PLCH1: variants seen among roughly 807,000 people sequenced by gnomAD.
PLCH1 encodes 1-phosphatidylinositol 4,5-bisphosphate phosphodiesterase eta-1.
In PLCH1, 60 loss-of-function variants were observed where a neutral mutation model predicts 126.7. The observed-to-expected ratio is 0.47, with a 90% CI of 0.38 to 0.59. The LOEUF (loss-of-function observed/expected upper bound fraction) is 0.59, where lower values mean the gene tolerates loss of function less well. Ranked by LOEUF, PLCH1 falls within the 20% of genes least tolerant of loss-of-function variation. PLCH1 has a pLI of 0.00. For missense variants in PLCH1, 1,723 were observed against 2,040.0 expected (o/e 0.84, Z 2.99); for synonymous variants, 719 against 734.9 (o/e 0.98, Z 0.35).
intron 8 of PLCH1, among the ~76,000 whole-genome samples, chr3:155,557,974 T>A (rs994121331): frequency 1.3e-5 from 2 of 152,180 alleles, no homozygotes; most frequent in Admixed American, 6.5e-5. Flanking sequence ...CAACTCAGGC[T>A]GAAAATCAAG....
chr3:155,478,857 G>C (rs1474323660), downstream of PLCH1, among the ~76,000 whole-genome samples: 1 of 152,108 alleles, frequency 6.6e-6, no homozygotes, highest in Non-Finnish European at 1.5e-5. Flanking sequence ...CAGAAGTACT[G>C]TGCATCCAAC....
At chr3:155,615,676 A>G (rs1403993967) in intron 2 of PLCH1, among the ~76,000 whole-genome samples, 1 of 152,178 alleles carries the variant, frequency 6.6e-6, no homozygotes, top group Non-Finnish European at 1.5e-5. Flanking sequence ...ATGAAAAACC[A>G]AACATTATAT....
chr3:155,733,071 C>T lies in PLCH1; in HGVS notation c.-41+11769G>A, dbSNP rs545319590. 6.6e-5 allele frequency among the ~76,000 whole-genome samples: 10 copies of T among 151,936 alleles called. No individual in the cohort carries two copies. The East Asian group carries it at 1.2e-3, about 18-fold the overall frequency. ...CTGATGAAATAAATTAAAGAAAACA[C>T]GAACAAAGGGAAAGATATCCTGTGT... On this transcript the variant is annotated intron_variant, in intron 1 of 22. Coordinates refer to ENST00000460012, the MANE Select transcript of PLCH1 (RefSeq NM_014996.4).
chr3:155,508,837 C>T (rs927490700), intron 12 of PLCH1, among the ~76,000 whole-genome samples: 1 of 60,242 alleles, frequency 1.7e-5, no homozygotes, highest in Non-Finnish European at 3.1e-5. Flanking sequence ...TGTCTCTGCC[C>T]GGCTTTGGTA....
intron 10 of PLCH1, among the ~76,000 whole-genome samples, chr3:155,543,450 T>C (rs1195864843): frequency 6.6e-6 from 1 of 152,030 alleles, no homozygotes; most frequent in African/African-American, 2.4e-5. Context: ...TGGAACCAAG[T>C]TGGAAAACAC....
intron 20 of PLCH1, 75 bp downstream of exon 20, chr3:155,488,585 T>C: frequency 8.2e-7 from 1 of 1,213,396 alleles, no homozygotes; most frequent in African/African-American, 1.5e-5. Context: ...ATTATGTAAG[T>C]AACATATCAT....
downstream of PLCH1, among the ~76,000 whole-genome samples, chr3:155,478,022 T>C (rs1375005426): frequency 6.6e-6 from 1 of 152,034 alleles, no homozygotes; most frequent in East Asian, 1.9e-4. Flanking sequence ...GATGAATGGA[T>C]AAAGAAAATG....
chr3:155,458,341 CAAAAAA>C (rs552915955), intron 21 of PLCH1, among the ~76,000 whole-genome samples: 1 of 81,554 alleles, frequency 1.2e-5, no homozygotes, highest in Non-Finnish European at 2.3e-5. Context: ...GACTCCATGT[CAAAAAA>C]AAAAAAAAAA....
chr3:155,624,248 G>A (rs886447710), intron 2 of PLCH1, among the ~76,000 whole-genome samples: 2 of 152,060 alleles, frequency 1.3e-5, no homozygotes, highest in African/African-American at 4.8e-5. Flanking sequence ...ATGGGACGTA[G>A]CTCAAAATAA....
At chr3:155,538,449 T>A (rs1323497851) in intron 10 of PLCH1, among the ~76,000 whole-genome samples, 2 of 151,598 alleles carry the variant, frequency 1.3e-5, no homozygotes, top group Non-Finnish European at 2.9e-5. Flanking sequence ...AAAAGATAAA[T>A]GAAACAAAAA....
At chr3:155,621,177 G>A (rs1577164081) in intron 2 of PLCH1, among the ~76,000 whole-genome samples, 1 of 152,272 alleles carries the variant, frequency 6.6e-6, no homozygotes, top group African/African-American at 2.4e-5. Context: ...GGGCCTGACT[G>A]TTAGAAGGAA....
At chr3:155,491,528 G>C (rs1429530453) in intron 18 of PLCH1, among the ~76,000 whole-genome samples, 1 of 152,196 alleles carries the variant, frequency 6.6e-6, no homozygotes, top group African/African-American at 2.4e-5. Context: ...CTCTCAAAGT[G>C]CTGGGATTAT....
intron 10 of PLCH1, among the ~76,000 whole-genome samples, chr3:155,546,074 A>G (rs1477387224): frequency 1.2e-4 from 19 of 152,196 alleles, no homozygotes; most frequent in Admixed American, 3.3e-4. Flanking sequence ...AGGGTATTCA[A>G]TTAGGAAAAG....
intron 2 of PLCH1, among the ~76,000 whole-genome samples, chr3:155,636,996 C>G (rs748607796): frequency 1.3e-5 from 2 of 152,026 alleles, no homozygotes; most frequent in Non-Finnish European, 2.9e-5. Context: ...CTGTAGTCCA[C>G]AAAATTATCA....
chr3:155,619,040 CT>C (rs887060647), intron 2 of PLCH1, among the ~76,000 whole-genome samples: 2 of 151,358 alleles, frequency 1.3e-5, no homozygotes, highest in African/African-American at 4.9e-5. Flanking sequence ...TGCTGCCTCC[CT>C]TATATTTGGG....
intron 8 of PLCH1, among the ~76,000 whole-genome samples, chr3:155,556,584 C>A (rs1291022954): frequency 6.6e-6 from 1 of 152,204 alleles, no homozygotes; most frequent in African/African-American, 2.4e-5. Flanking sequence ...TTTGGTCAAA[C>A]ACCAGTCTAT....
At chr3:155,491,681 A>G (rs1242101296) in intron 18 of PLCH1, among the ~76,000 whole-genome samples, 2 of 152,274 alleles carry the variant, frequency 1.3e-5, no homozygotes, top group African/African-American at 4.8e-5. Context: ...CCATTTATAT[A>G]AAGTTTAGGA....
chr3:155,642,615 G>T (rs1739532343), intron 2 of PLCH1, among the ~76,000 whole-genome samples: 1 of 152,248 alleles, frequency 6.6e-6, no homozygotes, highest in South Asian at 2.1e-4. Context: ...CAAAAAGGCA[G>T]AGGAAGGTTG....
chr3:155,600,946 C>A (rs908500931), intron 2 of PLCH1, among the ~76,000 whole-genome samples: 3 of 152,102 alleles, frequency 2.0e-5, no homozygotes, highest in Non-Finnish European at 4.4e-5. Flanking sequence ...AGAGTCCCAT[C>A]GATAAAAGAA....
Sources: gnomAD v4.1 joint callset for allele counts (sites outside exome capture counted in the v4.1 genomes callset) on GRCh38, gnomAD v4.1.1 for gene constraint, MANE v1.5 for transcripts, NCBI Gene and HGNC (gene_info 2026-07-23, HGNC 2026-07-21) for gene names.